DPYD: variants seen among roughly 807,000 people sequenced by gnomAD.
DPYD encodes dihydropyrimidine dehydrogenase, also known as dihydropyrimidine dehydrogenase [NADP(+)].
DPYD carries 109 observed loss-of-function variants against 116.2 expected under a neutral mutation model. The ratio of observed to expected loss-of-function variants is 0.94; its 90% CI spans 0.80 to 1.10. DPYD has a LOEUF of 1.10. DPYD is among the 50% of genes least tolerant of loss of function. DPYD has a pLI of 0.00. For synonymous variants in DPYD, 440 were observed against 432.0 expected (o/e 1.02, Z -0.23); for missense variants, 1,302 against 1,254.5 (o/e 1.04, Z -0.57).
At chr1:97,193,740 T>C (rs1485577386) in intron 19 of DPYD, among the ~76,000 whole-genome samples, 2 of 152,180 alleles carry the variant, frequency 1.3e-5, no homozygotes, top group African/African-American at 4.8e-5. Context: ...CATCTGCTAT[T>C]GTTCTCCTTG....
At chr1:97,917,246 T>C (rs1167678673) in intron 1 of DPYD, among the ~76,000 whole-genome samples, 1 of 152,212 alleles carries the variant, frequency 6.6e-6, no homozygotes, top group African/African-American at 2.4e-5. Flanking sequence ...AACTCATGGC[T>C]TTGTATAAAG....
At chr1:97,167,714 C>G (rs1656430417) in intron 20 of DPYD, among the ~76,000 whole-genome samples, 1 of 152,078 alleles carries the variant, frequency 6.6e-6, no homozygotes, top group African/African-American at 2.4e-5. Context: ...TGATAGCGTA[C>G]TTGAAAGCTG....
At chr1:97,421,984 G>C (rs1299902799) in intron 14 of DPYD, among the ~76,000 whole-genome samples, 1 of 152,082 alleles carries the variant, frequency 6.6e-6, no homozygotes, top group Non-Finnish European at 1.5e-5. Flanking sequence ...GTGGGGATTG[G>C]AGTTCTGTAT....
At chr1:97,298,187 T>C (rs1666644845) in intron 18 of DPYD, among the ~76,000 whole-genome samples, 1 of 152,190 alleles carries the variant, frequency 6.6e-6, no homozygotes, top group African/African-American at 2.4e-5. Flanking sequence ...TCGATGATAC[T>C]AATCTTTCTT....
At chr1:97,159,750 CAA>C in intron 20 of DPYD, among the ~76,000 whole-genome samples, 1 of 151,822 alleles carries the variant, frequency 6.6e-6, no homozygotes, top group Non-Finnish European at 1.5e-5. Context: ...GGGAAAATAA[CAA>C]AAATTAATTA....
At chr1:97,158,675 C>T (rs913050418) in intron 20 of DPYD, among the ~76,000 whole-genome samples, 16 of 151,858 alleles carry the variant, frequency 1.1e-4, no homozygotes, top group African/African-American at 3.6e-4. Context: ...GAGAGAAATT[C>T]GTCTTCTAAC....
intron 8 of DPYD, among the ~76,000 whole-genome samples, chr1:97,644,886 ATCTT>A (rs1344281364): frequency 2.0e-5 from 3 of 152,088 alleles, no homozygotes; most frequent in African/African-American, 4.8e-5. Context: ...TGTCTCCTCT[ATCTT>A]AAGTTTTCTT....
intron 19 of DPYD, among the ~76,000 whole-genome samples, chr1:97,210,593 A>G (rs947260475): frequency 6.6e-6 from 1 of 152,146 alleles, no homozygotes. Flanking sequence ...TAAGAAGTGA[A>G]AATGCACATA....
At position 97,289,639 on chromosome 1, in the gene DPYD, C is replaced by G. The variant is rs977020853; in HGVS notation, c.2299+15620G>C. 8.9e-4 allele frequency among the ~76,000 whole-genome samples: 136 copies of G among 152,084 alleles called. 1 individual carries two copies. The highest frequency in any genetic ancestry group is 1.5e-3 in the Non-Finnish European group (102 of 67,984). On this transcript the variant is annotated intron_variant, in intron 18 of 22. Transcript: ENST00000370192. The stretch of plus-strand genomic sequence containing the variant: ...AAGGCCTTTGACAAAATTTAACAAC[C>G]CTTCATGCTAAAAACTCTCAATAAA...
At chr1:97,151,476 C>T (rs1570557890) in intron 20 of DPYD, among the ~76,000 whole-genome samples, 2 of 152,020 alleles carry the variant, frequency 1.3e-5, no homozygotes, top group African/African-American at 4.8e-5. Context: ...GAGTTCGAGA[C>T]CAACCTGGTC....
rs770063428 is a variant in DPYD, at chr1:97,306,243, G to GA, written c.2112dup (p.Pro705SerfsTer12). ...TTTGGGGTCAGCTTGGCAAAAAAAG[G>GA]AATCTGAACAGCTTGCCTAACCCAG... On this transcript the variant is annotated frameshift_variant, in exon 17 of 23. Coordinates refer to ENST00000370192, the MANE Select transcript of DPYD (RefSeq NM_000110.4). LOFTEE classifies it high-confidence loss of function. The GA allele has an allele frequency of 6.2e-7, 1 of 1,612,532 alleles. No homozygotes were observed. The highest frequency in any genetic ancestry group is 2.2e-5 in the East Asian group (1 of 44,806).
intron 20 of DPYD, among the ~76,000 whole-genome samples, chr1:97,189,553 A>C (rs1658217468): frequency 1.3e-5 from 2 of 152,210 alleles, no homozygotes; most frequent in South Asian, 4.1e-4. Context: ...ATGTCAACAT[A>C]ACTCTTATTT....
chr1:97,791,916 C>T (rs556017430), intron 3 of DPYD, among the ~76,000 whole-genome samples: 1 of 152,134 alleles, frequency 6.6e-6, no homozygotes, highest in African/African-American at 2.4e-5. Context: ...AGAAAAAAAC[C>T]CAAATATTGT....
rs1653205745 is a variant in DPYD at position 97,130,625 on chromosome 1, C to A, written c.2623-31993G>T. 2.0e-5 allele frequency among the ~76,000 whole-genome samples: 3 copies of A among 152,042 alleles called. No homozygotes were observed. The South Asian group carries it at 6.2e-4, about 32-fold the overall frequency. ...TTATCTTTTTCACTCTAATTCCTACCATCTGATCTTTTCCTTTCCTTTCCT... is the reference window on the plus strand; with the variant it reads ...TTATCTTTTTCACTCTAATTCCTACAATCTGATCTTTTCCTTTCCTTTCCT... On this transcript the variant is annotated intron_variant, in intron 20 of 22. Transcript: ENST00000370192.
chr1:97,480,645 T>A (rs964472601), intron 13 of DPYD, among the ~76,000 whole-genome samples: 2 of 152,228 alleles, frequency 1.3e-5, no homozygotes, highest in Non-Finnish European at 2.9e-5. Flanking sequence ...TTTAACCTTG[T>A]GTACATTTTA....
At chr1:97,718,607 T>G (rs1390275080) in intron 5 of DPYD, among the ~76,000 whole-genome samples, 1 of 151,934 alleles carries the variant, frequency 6.6e-6, no homozygotes, top group Non-Finnish European at 1.5e-5. Context: ...GACTGGGATT[T>G]TTTAATTTTA....
chr1:97,134,014 AATATATATATATAT>A lies in DPYD; in HGVS notation c.2623-35396_2623-35383del, dbSNP rs1165027630. ...ACTCTGTTTCAAAAAAAAAAAAAAA[AATATATATATATAT>A]ATATATATATATATATATATATATA... On this transcript the variant is annotated intron_variant, in intron 20 of 22. Coordinates refer to ENST00000370192, the MANE Select transcript of DPYD (RefSeq NM_000110.4). Among the ~76,000 whole-genome samples, 126 of 18,592 alleles carry A rather than the reference AATATATATATATAT, an allele frequency of 6.8e-3. 4 individuals are homozygous for A. Among genetic ancestry groups the A allele is most frequent in the Admixed American group, 0.015 (20 of 1,306 alleles). The allele number at this position is 18,592 out of a possible 152,430, so 12.2% of individuals were successfully genotyped here.
intron 18 of DPYD, among the ~76,000 whole-genome samples, chr1:97,284,389 G>A (rs545460481): frequency 6.6e-6 from 1 of 152,086 alleles, no homozygotes; most frequent in South Asian, 2.1e-4. Context: ...TGAAATTTTA[G>A]AATGAGTTTC....
chr1:97,498,080 T>A (rs1003974597), intron 13 of DPYD, among the ~76,000 whole-genome samples: 11 of 151,820 alleles, frequency 7.2e-5, no homozygotes, highest in Non-Finnish European at 8.9e-5. Context: ...ATATATTATA[T>A]GATTTTGTTT....
Sources: gnomAD v4.1 joint callset for allele counts (sites outside exome capture counted in the v4.1 genomes callset) on GRCh38, gnomAD v4.1.1 for gene constraint, MANE v1.5 for transcripts, NCBI Gene and HGNC (gene_info 2026-07-23, HGNC 2026-07-21) for gene names.